The following FSTL4 variants were observed in gnomAD, a reference collection of about 807,000 sequenced individuals.
FSTL4 encodes the protein follistatin like 4, also known as follistatin-related protein 4.
FSTL4 carries 28 observed loss-of-function variants against 78.2 expected under a neutral mutation model. That is an observed-to-expected ratio of 0.36 (90% CI 0.27 to 0.49). The LOEUF (loss-of-function observed/expected upper bound fraction) is 0.49, where lower values mean the gene tolerates loss of function less well. FSTL4 is among the 20% of genes least tolerant of loss of function. The pLI is 0.98. For synonymous variants in FSTL4, 422 were observed against 440.5 expected, an observed-to-expected ratio of 0.96 and a Z score of 0.53; for missense variants, 922 against 1,084.9, an observed-to-expected ratio of 0.85 and a Z score of 2.11.
chr5:133,551,602 G>C (rs1280931823), intron 3 of FSTL4, among the ~76,000 whole-genome samples: 1 of 152,214 alleles, frequency 6.6e-6, no homozygotes, highest in Non-Finnish European at 1.5e-5. Context: ...GTCTAAATCA[G>C]CTCAGAGAAC....
intron 5 of FSTL4, among the ~76,000 whole-genome samples, chr5:133,314,892 G>A (rs775674722): frequency 7.9e-5 from 12 of 152,214 alleles, no homozygotes; most frequent in Non-Finnish European, 1.6e-4. Context: ...GCCAGGCACA[G>A]TGGCTCACAC....
intron 3 of FSTL4, among the ~76,000 whole-genome samples, chr5:133,414,351 C>T (rs1458282235): frequency 6.6e-6 from 1 of 152,178 alleles, no homozygotes; most frequent in Admixed American, 6.5e-5. Context: ...TTCACCCTTA[C>T]ACTGCAGATA....
At chr5:133,750,074 G>A in the FSTL4 span, among the ~76,000 whole-genome samples, 1 of 152,136 alleles carries the variant, frequency 6.6e-6, no homozygotes, top group Non-Finnish European at 1.5e-5. Context: ...AGGTTAATGG[G>A]AGGGGTGAGC....
chr5:133,207,010 A>G (rs969719552), intron 14 of FSTL4, among the ~76,000 whole-genome samples: 3 of 152,164 alleles, frequency 2.0e-5, no homozygotes, highest in African/African-American at 7.2e-5. Context: ...AGATATATCC[A>G]GGAATGTTTT....
At chr5:133,754,724 C>T in the FSTL4 span, among the ~76,000 whole-genome samples, 1 of 152,104 alleles carries the variant, frequency 6.6e-6, no homozygotes, top group Non-Finnish European at 1.5e-5. Context: ...GCTCTGGGGA[C>T]AAAATGCCCA....
chr5:133,257,854 C>A (rs1752420581), intron 6 of FSTL4, among the ~76,000 whole-genome samples: 1 of 152,174 alleles, frequency 6.6e-6, no homozygotes, highest in African/African-American at 2.4e-5. Context: ...GATGGGCATA[C>A]CTCTGCTCAA....
At chr5:133,388,754 T>C (rs1445487712) in intron 4 of FSTL4, among the ~76,000 whole-genome samples, 1 of 152,150 alleles carries the variant, frequency 6.6e-6, no homozygotes, top group African/African-American at 2.4e-5. Context: ...TTGTGTCCAT[T>C]TGAATTGCTC....
chr5:133,701,402 C>CAAA, the FSTL4 span, among the ~76,000 whole-genome samples: 6,335 of 94,786 alleles, frequency 0.067, 512 homozygotes, highest in East Asian at 0.25. Flanking sequence ...GAGTCAGTCT[C>CAAA]AAAAAAAAAA....
At chr5:133,727,795 C>T in the FSTL4 span, among the ~76,000 whole-genome samples, 2 of 152,194 alleles carry the variant, frequency 1.3e-5, no homozygotes, top group Non-Finnish European at 2.9e-5. Flanking sequence ...AACACAGTGC[C>T]ATGAAGACAG....
intron 4 of FSTL4, among the ~76,000 whole-genome samples, chr5:133,387,271 G>A (rs1449957756): frequency 1.3e-5 from 2 of 152,326 alleles, no homozygotes; most frequent in Non-Finnish European, 1.5e-5. Flanking sequence ...CAGTACTGGT[G>A]CCGTCATTTA....
At chr5:133,520,281 C>T (rs1758950012) in intron 3 of FSTL4, among the ~76,000 whole-genome samples, 2 of 152,114 alleles carry the variant, frequency 1.3e-5, no homozygotes, top group African/African-American at 4.8e-5. Context: ...AGAGACGGCC[C>T]TGTGCCCACT....
intron 14 of FSTL4, among the ~76,000 whole-genome samples, chr5:133,205,383 TTGCGTGTGTG>T (rs1374743529): frequency 1.7e-5 from 1 of 60,136 alleles, no homozygotes; most frequent in Non-Finnish European, 4.0e-5. Flanking sequence ...GTCTTTTTCT[TTGCGTGTGTG>T]TGTGTGTGTG....
chr5:133,245,765 A>G (rs1752022885), intron 7 of FSTL4, among the ~76,000 whole-genome samples: 1 of 152,210 alleles, frequency 6.6e-6, no homozygotes, highest in Admixed American at 6.5e-5. Context: ...TCTGAGAGCA[A>G]CATTACTCGC....
At chr5:133,759,123 G>T in the FSTL4 span, among the ~76,000 whole-genome samples, 1 of 152,176 alleles carries the variant, frequency 6.6e-6, no homozygotes, top group Non-Finnish European at 1.5e-5. Flanking sequence ...AAACGTGCAA[G>T]GGTATTTTAA....
the FSTL4 span, among the ~76,000 whole-genome samples, chr5:133,630,722 G>A: frequency 0.01 from 1,528 of 152,178 alleles, 24 homozygotes; most frequent in African/African-American, 0.035. Context: ...GAGGCATCAC[G>A]CTACCTGACT....
chr5:133,359,774 A>G (rs1755029544), intron 4 of FSTL4, among the ~76,000 whole-genome samples: 1 of 151,650 alleles, frequency 6.6e-6, no homozygotes, highest in African/African-American at 2.4e-5. Context: ...CATTTCCTTT[A>G]CTCTTCTTTG....
the FSTL4 span, among the ~76,000 whole-genome samples, chr5:133,644,237 TA>T: frequency 6.6e-6 from 1 of 152,110 alleles, no homozygotes; most frequent in East Asian, 1.9e-4. Flanking sequence ...GCAGCTGTGC[TA>T]AAAAAGACCA....
intron 6 of FSTL4, among the ~76,000 whole-genome samples, chr5:133,304,497 T>C (rs1209827035): frequency 6.6e-6 from 1 of 152,222 alleles, no homozygotes; most frequent in Non-Finnish European, 1.5e-5. Flanking sequence ...AAGCTTCATA[T>C]TTTAATGAGT....
the FSTL4 span, among the ~76,000 whole-genome samples, chr5:133,731,632 G>A: frequency 2.0e-5 from 3 of 152,126 alleles, no homozygotes; most frequent in Non-Finnish European, 2.9e-5. Context: ...GGGAGTCAGA[G>A]GGTCACAGTT....
Sources: gnomAD v4.1 joint callset for allele counts (sites outside exome capture counted in the v4.1 genomes callset) on GRCh38, gnomAD v4.1.1 for gene constraint, MANE v1.5 for transcripts, NCBI Gene and HGNC (gene_info 2026-07-23, HGNC 2026-07-21) for gene names.